The following TTLL11 variants were observed in gnomAD, a reference collection of about 807,000 sequenced individuals.
TTLL11 encodes the protein tubulin tyrosine ligase like 11.
In TTLL11, 42 loss-of-function variants were observed where a neutral mutation model predicts 51.7. The observed-to-expected ratio is 0.81, with a 90% CI of 0.64 to 1.05. The LOEUF (loss-of-function observed/expected upper bound fraction) is 1.05. Among genes scored for constraint, TTLL11 ranks in the 50% least tolerant of loss-of-function variants. TTLL11 has a pLI of 0.00. For missense variants in TTLL11, 799 were observed against 940.4 expected, an observed-to-expected ratio of 0.85 and a Z score of 1.97; for synonymous variants, 381 against 383.5, an observed-to-expected ratio of 0.99 and a Z score of 0.08.
rs936845149 is a variant in TTLL11, at chr9:122,030,214, G to GT, written c.693+1508_693+1509insA. Among the ~76,000 whole-genome samples the GT allele has an allele frequency of 3.2e-5, 4 of 126,258 alleles. 1 individual carries two copies. The highest frequency in any genetic ancestry group is 3.4e-5 in the Non-Finnish European group (2 of 58,686). 82.8% of individuals were successfully genotyped at this position (126,258 alleles called of 152,430 possible). The stretch of plus-strand genomic sequence containing the variant: ...AGAAGAGAGACATTGGGGGGGGGGG[G>GT]GTAATTATGAGGAACAGCTGAGAGT... On this transcript the variant is annotated intron_variant, in intron 3 of 8. Coordinates refer to ENST00000321582, the MANE Select transcript of TTLL11 (RefSeq NM_001139442.2).
chr9:121,874,354 A>G (rs1400990097), intron 6 of TTLL11, among the ~76,000 whole-genome samples: 1 of 152,110 alleles, frequency 6.6e-6, no homozygotes, highest in Admixed American at 6.5e-5. Context: ...TACAAATCCT[A>G]TGTGGAATTA....
At chr9:122,084,530 G>A (rs548708288) in intron 1 of TTLL11, among the ~76,000 whole-genome samples, 111 of 152,206 alleles carry the variant, frequency 7.3e-4, no homozygotes, top group African/African-American at 2.6e-3. Context: ...GACGTGACTC[G>A]GCTTCAGAGG....
At chr9:122,020,506 C>T (rs1165013569) in intron 3 of TTLL11, among the ~76,000 whole-genome samples, 1 of 152,260 alleles carries the variant, frequency 6.6e-6, no homozygotes, top group East Asian at 1.9e-4. Context: ...TGCCAAATGA[C>T]TTAACCTCTC....
intron 6 of TTLL11, among the ~76,000 whole-genome samples, chr9:121,871,224 GT>G (rs753453916): frequency 0.026 from 3,752 of 144,802 alleles, 88 homozygotes; most frequent in African/African-American, 0.076. Context: ...TGGCTTAACT[GT>G]TTTTTTTTTT....
At chr9:121,909,776 C>A (rs564868473) in intron 6 of TTLL11, among the ~76,000 whole-genome samples, 1 of 152,308 alleles carries the variant, frequency 6.6e-6, no homozygotes, top group African/African-American at 2.4e-5. Flanking sequence ...TCCCGCAGAG[C>A]ATTCTGGGCA....
chr9:122,069,031 G>A (rs1342551213), intron 1 of TTLL11, among the ~76,000 whole-genome samples: 1 of 152,198 alleles, frequency 6.6e-6, no homozygotes, highest in Non-Finnish European at 1.5e-5. Context: ...TATCACAAGA[G>A]TAAGAAATAG....
intron 1 of TTLL11, among the ~76,000 whole-genome samples, chr9:122,048,565 C>G (rs1845078734): frequency 2.6e-5 from 4 of 152,190 alleles, no homozygotes; most frequent in Admixed American, 2.6e-4. Context: ...AGGCTAAGCT[C>G]CAAGCCTCAT....
rs199866349 is a variant in TTLL11 at position 122,059,659 on chromosome 9, T to A, written c.463-20291A>T. ...AGCTTTCTATTGCTGCACAAAAAAA[T>A]TAATACAAATGTGGTGCCTGAAGAC... On this transcript the variant is annotated intron_variant, in intron 1 of 8. Transcript: ENST00000321582. Among the ~76,000 whole-genome samples, 8 of 152,270 alleles carry A rather than the reference T, an allele frequency of 5.3e-5. No individual in the cohort carries two copies. The East Asian group carries it at 1.3e-3, about 26-fold the overall frequency.
At chr9:122,066,705 G>C (rs1455784028) in intron 1 of TTLL11, among the ~76,000 whole-genome samples, 1 of 152,168 alleles carries the variant, frequency 6.6e-6, no homozygotes, top group East Asian at 1.9e-4. Context: ...GGAATGTTCT[G>C]CTGAATCCCC....
intron 6 of TTLL11, among the ~76,000 whole-genome samples, chr9:121,888,025 T>C (rs1304754893): frequency 6.6e-6 from 1 of 152,084 alleles, no homozygotes; most frequent in Non-Finnish European, 1.5e-5. Flanking sequence ...CCCTCTTTGC[T>C]CACCCGGGTG....
At chr9:121,904,939 C>T (rs954437756) in intron 6 of TTLL11, among the ~76,000 whole-genome samples, 1 of 152,194 alleles carries the variant, frequency 6.6e-6, no homozygotes, top group Non-Finnish European at 1.5e-5. Flanking sequence ...CGTCGATGCT[C>T]CTTTTGCCAT....
rs898196729 is a variant in TTLL11 at position 121,817,329 on chromosome 9, G to C, written c.*5258C>G. The C allele has an allele frequency of 6.6e-6, 1 of 152,160 alleles. No individual in the cohort carries two copies. Among genetic ancestry groups the C allele is most frequent in the African/African-American group, 2.4e-5 (1 of 41,420 alleles). 9.4% of individuals were successfully genotyped at this position (152,160 alleles called of 1,614,324 possible). ...GAGGGCAGGAGGAGCTGACCAGTGT[G>C]GTTTCATCTGTCTTGATGGATAACA... On this transcript the variant is annotated 3_prime_UTR_variant, in exon 9 of 9. Transcript: ENST00000321582.
intron 6 of TTLL11, among the ~76,000 whole-genome samples, chr9:121,888,311 G>A (rs1479597839): frequency 6.6e-6 from 1 of 152,256 alleles, no homozygotes; most frequent in African/African-American, 2.4e-5. Context: ...TCAAGTCATA[G>A]AGACCAGCAA....
At chr9:121,923,944 T>C (rs997733449) in intron 6 of TTLL11, among the ~76,000 whole-genome samples, 4 of 152,158 alleles carry the variant, frequency 2.6e-5, no homozygotes, top group Admixed American at 6.5e-5. Context: ...TGGGAGATAA[T>C]TGAATCATGG....
chr9:122,072,061 A>C (rs969349162), intron 1 of TTLL11, among the ~76,000 whole-genome samples: 1 of 152,120 alleles, frequency 6.6e-6, no homozygotes, highest in African/African-American at 2.4e-5. Context: ...ACACACACAC[A>C]CATACACCCC....
chr9:122,039,296 A>C lies in TTLL11; in HGVS notation c.535T>G (p.Ser179Ala). The C allele has an allele frequency of 6.2e-7, 1 of 1,614,038 alleles. No homozygotes were observed. Among genetic ancestry groups the C allele is most frequent in the Non-Finnish European group, 8.5e-7 (1 of 1,179,922 alleles). ...CCTGGAAACTTGTTCACTTGACCGG[A>C]GAATATGTCATTGTCGTGAAATGAA... ...GVSFHDNDIF[S>A]GQVNKFPGMT... Residue 179 changes from serine to alanine, a missense_variant, in exon 2 of 9, where the codon TCC becomes GCC. Ser to Ala is a moderately conservative substitution (Grantham distance 99). Around this residue, in one of 3 missense-constraint regions of TTLL11, gnomAD observed 468 missense variants for 612.8 expected, o/e 0.76. Transcript: ENST00000321582.
chr9:121,958,157 T>C (rs1429779976), intron 6 of TTLL11, among the ~76,000 whole-genome samples: 1 of 152,228 alleles, frequency 6.6e-6, no homozygotes, highest in African/African-American at 2.4e-5. Flanking sequence ...TCCAAGAGGT[T>C]AAGTGACTTG....
intron 8 of TTLL11, among the ~76,000 whole-genome samples, chr9:121,843,250 A>G (rs144980088): frequency 1.6e-4 from 25 of 152,274 alleles, no homozygotes; most frequent in African/African-American, 5.8e-4. Flanking sequence ...TGAAAAATCA[A>G]TGACTTTTCT....
intron 3 of TTLL11, among the ~76,000 whole-genome samples, chr9:122,010,552 G>T (rs1379844562): frequency 6.6e-6 from 1 of 152,202 alleles, no homozygotes. Context: ...AAGCTGAAAA[G>T]AGTTACTATC....
Sources: gnomAD v4.1 joint callset for allele counts (sites outside exome capture counted in the v4.1 genomes callset) on GRCh38, gnomAD v4.1.1 for gene constraint, gnomAD v4.1.1 regional missense constraint, MANE v1.5 for transcripts, NCBI Gene and HGNC (gene_info 2026-07-23, HGNC 2026-07-21) for gene names.